The following DOK7 variants were observed in gnomAD, a reference collection of about 807,000 sequenced individuals.
DOK7 encodes docking protein 7.
DOK7 carries 32 observed loss-of-function variants against 30.7 expected under a neutral mutation model. The observed-to-expected ratio is 1.04, with a 90% CI of 0.79 to 1.40. The LOEUF is 1.40. Ranked by LOEUF, DOK7 falls within the 40% of genes most tolerant of loss-of-function variation. DOK7 has a pLI of 0.00. For missense variants in DOK7, 1,007 were observed against 699.2 expected (o/e 1.44, Z -4.97); for synonymous variants, 447 against 324.1 (o/e 1.38, Z -4.07).
downstream of DOK7, among the ~76,000 whole-genome samples, chr4:3,495,006 G>C (rs915648419): frequency 2.2e-4 from 34 of 152,336 alleles, no homozygotes; most frequent in African/African-American, 7.2e-4. Flanking sequence ...GGGGAGTTCT[G>C]GAGGGCTTCT....
At chr4:3,492,717 C>T (rs368478410) in intron 6 of DOK7, 42 bp from the exon 7 acceptor site, 10 of 1,588,206 alleles carry the variant, frequency 6.3e-6, no homozygotes, top group Non-Finnish European at 8.5e-6. Flanking sequence ...TGCCCAGACC[C>T]CTGTACCCCC....
chr4:3,490,789 A>G (rs964657497), intron 6 of DOK7, among the ~76,000 whole-genome samples: 2 of 38,720 alleles, frequency 5.2e-5, no homozygotes, highest in Non-Finnish European at 8.9e-5. Context: ...CGGCTCATTC[A>G]TTCCTTCCTC....
At chr4:3,495,263 T>TCTTGTTGCAGGACG (rs1728842271), downstream of DOK7, among the ~76,000 whole-genome samples, 1 of 152,186 alleles carries the variant, frequency 6.6e-6, no homozygotes, top group Admixed American at 6.5e-5. Flanking sequence ...GCCGCGCCAG[T>TCTTGTTGCAGGACG]CTTGTTGCAG....
At chr4:3,498,142 G>C (rs954214235), downstream of DOK7, among the ~76,000 whole-genome samples, 1 of 152,204 alleles carries the variant, frequency 6.6e-6, no homozygotes, top group Non-Finnish European at 1.5e-5. Flanking sequence ...TCTGGGAGGA[G>C]AGTGCAGAAG....
chr4:3,491,060 C>CA lies in DOK7; in HGVS notation c.772+1264_772+1265insA, dbSNP rs1481149444. Reference sequence around the variant, plus strand: ...CCCCATTCCTTCCTTTCTTTTCCCCCGGCTCATTCCTTCCTTCTCCCCACT... The same window carrying CA: ...CCCCATTCCTTCCTTTCTTTTCCCCCAGGCTCATTCCTTCCTTCTCCCCACT... On this transcript the variant is annotated intron_variant, in intron 6 of 6. Transcript: ENST00000340083. 2.5e-3 allele frequency among the ~76,000 whole-genome samples: 258 copies of CA among 103,490 alleles called. 3 individuals are homozygous for CA. The highest frequency in any genetic ancestry group is 0.022 in the Middle Eastern group (3 of 136). The allele number at this position is 103,490 out of a possible 152,430, so 67.9% of individuals were successfully genotyped here. A position where few individuals can be genotyped will look rare whatever the true frequency, so the allele number is the denominator to read the frequency against.
At chr4:3,482,303 G>A (rs1282789786) in intron 4 of DOK7, among the ~76,000 whole-genome samples, 1 of 152,238 alleles carries the variant, frequency 6.6e-6, no homozygotes, top group Non-Finnish European at 1.5e-5. Context: ...TGCCCCATGA[G>A]GTGCTGCCTG....
At position 3,463,429 on chromosome 4, in the gene DOK7, G is replaced by A. The variant is rs758049699; in HGVS notation, c.54G>A (p.Lys18=). The change falls in exon 1 of 7, where the codon AAG becomes AAA. Residue 18 remains lysine, a splice_region_variant and synonymous_variant. Coordinates refer to ENST00000340083, the MANE Select transcript of DOK7 (RefSeq NM_173660.5). ...EGQVKLRDGK[K]WKSRWLVLRK... ...AGGTCAAGCTGCGGGACGGCAAGAA[G>A]GTCGGGGCGCGTCGGGGGCGCGGGG... The A allele has an allele frequency of 3.5e-6, 5 of 1,410,744 alleles. No homozygotes were observed. The highest frequency in any genetic ancestry group is 1.4e-5 in the South Asian group (1 of 71,044). 87.4% of individuals were successfully genotyped at this position (1,410,744 alleles called of 1,614,324 possible). A position where few individuals can be genotyped will look rare whatever the true frequency, so the allele number is the denominator to read the frequency against.
At chr4:3,496,599 G>A (rs983414148), downstream of DOK7, among the ~76,000 whole-genome samples, 1 of 152,236 alleles carries the variant, frequency 6.6e-6, no homozygotes, top group South Asian at 2.1e-4. Flanking sequence ...CCACCAGGCT[G>A]GGTGGTCAAG....
intron 2 of DOK7, among the ~76,000 whole-genome samples, chr4:3,464,323 G>A (rs1577135935): frequency 6.6e-6 from 1 of 152,138 alleles, no homozygotes. Context: ...GGAGGGTGTG[G>A]GGCAGGGATC....
intron 3 of DOK7, among the ~76,000 whole-genome samples, chr4:3,474,620 G>C (rs1449933099): frequency 1.3e-5 from 2 of 152,112 alleles, no homozygotes; most frequent in Non-Finnish European, 2.9e-5. Context: ...TCAGGACTTC[G>C]AGACCAGCCT....
intron 4 of DOK7, among the ~76,000 whole-genome samples, chr4:3,483,325 C>CG (rs1375290724): frequency 6.0e-5 from 8 of 133,198 alleles, no homozygotes; most frequent in Non-Finnish European, 9.7e-5. Context: ...TTCCCAAGAC[C>CG]GGGGGGGGCT....
intron 2 of DOK7, among the ~76,000 whole-genome samples, chr4:3,464,997 G>A (rs1256127246): frequency 6.6e-6 from 1 of 152,192 alleles, no homozygotes; most frequent in Non-Finnish European, 1.5e-5. Flanking sequence ...TGGGGCTGGC[G>A]TGGGAGGTGA....
chr4:3,473,987 C>T lies in DOK7; in HGVS notation c.331+351C>T, dbSNP rs529653561. On this transcript the variant is annotated intron_variant, in intron 3 of 6. Coordinates refer to ENST00000340083, the MANE Select transcript of DOK7 (RefSeq NM_173660.5). ...CCCAGAGCCTGGCTAGGAAGGAGAGCCCCAGGCTGGGCGGTCCCACCCCAG... is the reference window on the plus strand; with the variant it reads ...CCCAGAGCCTGGCTAGGAAGGAGAGTCCCAGGCTGGGCGGTCCCACCCCAG... Among the ~76,000 whole-genome samples the T allele has an allele frequency of 3.9e-5, 6 of 152,266 alleles. No individual in the cohort carries two copies. In the East Asian group the frequency reaches 1.2e-3, roughly 29 times the overall value.
chr4:3,484,520 CG>C, intron 4 of DOK7: 1 of 985,538 alleles, frequency 1.0e-6, no homozygotes, highest in Non-Finnish European at 1.2e-6. Context: ...AGTGTCCAGC[CG>C]GGTGCAGCCA....
intron 2 of DOK7, among the ~76,000 whole-genome samples, chr4:3,468,742 GTA>G (rs61728647): frequency 0.17 from 21,872 of 129,772 alleles, 1,781 homozygotes; most frequent in South Asian, 0.36. Context: ...GTCTGCCTGT[GTA>G]TGTGTCTGTG....
At chr4:3,501,277 C>G in exon 8 of DOK7, 2 of 163,652 alleles carry the variant, frequency 1.2e-5, no homozygotes, top group Non-Finnish European at 2.7e-5. Context: ...CCCTGCAGAG[C>G]CAGGACCCAG....
chr4:3,489,098 G>C (rs1205456131), intron 5 of DOK7, among the ~76,000 whole-genome samples: 1 of 152,210 alleles, frequency 6.6e-6, no homozygotes, highest in Non-Finnish European at 1.5e-5. Flanking sequence ...GGCGAGGCTG[G>C]TGCTCCCTGG....
At position 3,463,448 on chromosome 4, in the gene DOK7, CGCG is replaced by C; in HGVS notation, c.54+21_54+23del. The C allele has an allele frequency of 2.6e-6, 1 of 381,304 alleles. No individual in the cohort carries two copies. Among genetic ancestry groups the C allele is most frequent in the African/African-American group, 8.3e-5 (1 of 12,006 alleles). 23.6% of individuals were successfully genotyped at this position (381,304 alleles called of 1,614,324 possible). A position where few individuals can be genotyped will look rare whatever the true frequency, so the allele number is the denominator to read the frequency against. ...CAAGAAGGTCGGGGCGCGTCGGGGG[CGCG>C]GGGGGGGGGGGCGCGGGCGCGGGCG... On this transcript the variant is annotated intron_variant, in intron 1 of 6. Transcript: ENST00000340083.
intron 2 of DOK7, among the ~76,000 whole-genome samples, chr4:3,466,405 G>C: frequency 6.6e-6 from 1 of 152,154 alleles, no homozygotes; most frequent in South Asian, 2.1e-4. Flanking sequence ...TGCTGTCCTG[G>C]GGCCCTGCCC....
Sources: allele counts gnomAD v4.1 joint callset (sites outside exome capture counted in the v4.1 genomes callset), GRCh38; gene constraint gnomAD v4.1.1; transcripts MANE v1.5; gene names NCBI Gene and HGNC (gene_info 2026-07-23, HGNC 2026-07-21).